CCBE1: variants seen among roughly 807,000 people sequenced by gnomAD.
CCBE1 encodes collagen and calcium-binding EGF domain-containing protein 1.
In CCBE1, 37 loss-of-function variants were observed where a neutral mutation model predicts 50.0. The ratio of observed to expected loss-of-function variants is 0.74; its 90% CI spans 0.57 to 0.97. The LOEUF is 0.97. Ranked by LOEUF, CCBE1 falls within the 50% of genes least tolerant of loss-of-function variation. CCBE1 has a pLI of 0.00. For synonymous variants in CCBE1, 234 were observed against 203.7 expected (o/e 1.15, Z -1.27); for missense variants, 538 against 523.8 (o/e 1.03, Z -0.26).
intron 4 of CCBE1, among the ~76,000 whole-genome samples, chr18:59,468,986 C>T (rs958311583): frequency 2.0e-5 from 3 of 152,154 alleles, no homozygotes; most frequent in Non-Finnish European, 2.9e-5. Flanking sequence ...ATAGCCAGTT[C>T]ATGAGGGTGG....
At chr18:59,670,555 A>C (rs1253692093) in intron 2 of CCBE1, among the ~76,000 whole-genome samples, 3 of 152,202 alleles carry the variant, frequency 2.0e-5, no homozygotes, top group African/African-American at 7.2e-5. Flanking sequence ...AACTCCTGCC[A>C]TGTAACCACC....
chr18:59,441,514 C>T (rs996687433), intron 7 of CCBE1, among the ~76,000 whole-genome samples: 1 of 149,492 alleles, frequency 6.7e-6, no homozygotes, highest in Non-Finnish European at 1.5e-5. Flanking sequence ...AACAAAAAAA[C>T]ACATTGTCAA....
intron 2 of CCBE1, among the ~76,000 whole-genome samples, chr18:59,649,386 C>G (rs982014236): frequency 6.6e-6 from 1 of 152,202 alleles, no homozygotes; most frequent in African/African-American, 2.4e-5. Flanking sequence ...GACTGACATG[C>G]AAGACAAAAA....
chr18:59,438,871 C>T (rs995421462), intron 9 of CCBE1, among the ~76,000 whole-genome samples: 14 of 151,954 alleles, frequency 9.2e-5, no homozygotes, highest in Admixed American at 2.0e-4. Flanking sequence ...ACCTTCAGGC[C>T]GGGAGCGGTG....
intron 2 of CCBE1, among the ~76,000 whole-genome samples, chr18:59,548,885 C>A (rs2144407748): frequency 6.6e-6 from 1 of 152,040 alleles, no homozygotes; most frequent in East Asian, 1.9e-4. Flanking sequence ...AAAGTTACAC[C>A]TGAGGCCAGG....
intron 2 of CCBE1, among the ~76,000 whole-genome samples, chr18:59,518,345 C>T (rs1032998536): frequency 5.9e-5 from 9 of 152,066 alleles, no homozygotes; most frequent in African/African-American, 1.7e-4. Flanking sequence ...AAAAATTAGC[C>T]GGGTGTGACG....
At chr18:59,572,075 G>A (rs2052923000) in intron 2 of CCBE1, among the ~76,000 whole-genome samples, 1 of 152,202 alleles carries the variant, frequency 6.6e-6, no homozygotes, top group African/African-American at 2.4e-5. Context: ...CATGGTATCT[G>A]GAGAAGAAAA....
intron 2 of CCBE1, among the ~76,000 whole-genome samples, chr18:59,690,749 G>C (rs2054718940): frequency 6.6e-6 from 1 of 152,236 alleles, no homozygotes; most frequent in African/African-American, 2.4e-5. Flanking sequence ...CTGAGAGTGA[G>C]TGAGAAGTGA....
At chr18:59,447,136 G>A (rs1910710591) in intron 7 of CCBE1, among the ~76,000 whole-genome samples, 1 of 152,126 alleles carries the variant, frequency 6.6e-6, no homozygotes, top group Admixed American at 6.5e-5. Context: ...TTCAGAAACA[G>A]TATACTGAAT....
intron 2 of CCBE1, among the ~76,000 whole-genome samples, chr18:59,532,973 C>A (rs1371237800): frequency 1.3e-5 from 2 of 152,140 alleles, no homozygotes; most frequent in Non-Finnish European, 2.9e-5. Context: ...GAACCTCTCA[C>A]GGAGTATGGA....
chr18:59,513,446 G>A (rs1024061075), intron 2 of CCBE1, among the ~76,000 whole-genome samples: 10 of 152,246 alleles, frequency 6.6e-5, no homozygotes, highest in African/African-American at 1.9e-4. Context: ...GTCCAGGAAA[G>A]GACGCTTTTC....
chr18:59,689,902 T>C (rs956847108), intron 2 of CCBE1, among the ~76,000 whole-genome samples: 1 of 152,210 alleles, frequency 6.6e-6, no homozygotes, highest in Non-Finnish European at 1.5e-5. Flanking sequence ...CCCTGGGTTT[T>C]CCTGACTCTG....
rs758966242 is a variant in CCBE1, at chr18:59,447,989, G to C, written c.769C>G (p.Pro257Ala). The C allele has an allele frequency of 6.2e-7, 1 of 1,614,054 alleles. No homozygotes were observed. The highest frequency in any genetic ancestry group is 1.3e-5 in the African/African-American group (1 of 74,938). Residue 257 changes from proline to alanine, a missense_variant, in exon 7 of 11, where the codon CCT becomes GCT. Pro to Ala is a conservative substitution (Grantham distance 27). Transcript: ENST00000439986. ...TGCCCTCTTCCACACTCACCGGGAG[G>C]GCCCTGGCCCCCAGGCAGGCCAGGA... ...GPPGLPGGQG[P>A]PGSPGPKGSP...
At chr18:59,666,590 C>T (rs912095888) in intron 2 of CCBE1, among the ~76,000 whole-genome samples, 3 of 143,746 alleles carry the variant, frequency 2.1e-5, no homozygotes, top group African/African-American at 7.7e-5. Context: ...AAAGTTTCAG[C>T]AAAGCTACAA....
At chr18:59,536,113 A>G (rs1056114471) in intron 2 of CCBE1, among the ~76,000 whole-genome samples, 4 of 152,264 alleles carry the variant, frequency 2.6e-5, no homozygotes, top group African/African-American at 9.6e-5. Flanking sequence ...AAGGTCTGAA[A>G]TAATTCATTA....
At chr18:59,615,023 C>G (rs963823242) in intron 2 of CCBE1, among the ~76,000 whole-genome samples, 1 of 152,194 alleles carries the variant, frequency 6.6e-6, no homozygotes, top group African/African-American at 2.4e-5. Context: ...TTAATACATC[C>G]AATGACAAAT....
intron 2 of CCBE1, among the ~76,000 whole-genome samples, chr18:59,594,879 CG>C (rs780114393): frequency 7.9e-5 from 12 of 151,844 alleles, no homozygotes; most frequent in Non-Finnish European, 1.8e-4. Context: ...TTTGGGAGGC[CG>C]AGGAGGGTGG....
intron 2 of CCBE1, among the ~76,000 whole-genome samples, chr18:59,554,513 G>A (rs2564495): frequency 0.74 from 112,392 of 152,144 alleles, 41,749 homozygotes; most frequent in East Asian, 0.88. Flanking sequence ...GGTCCTCTGA[G>A]TAACCAAAAT....
intron 2 of CCBE1, among the ~76,000 whole-genome samples, chr18:59,578,423 T>C (rs1019560598): frequency 7.2e-5 from 11 of 152,116 alleles, no homozygotes; most frequent in Non-Finnish European, 1.2e-4. Flanking sequence ...GAAATACCAT[T>C]TGACCCAGCA....
Sources: allele counts gnomAD v4.1 joint callset (sites outside exome capture counted in the v4.1 genomes callset), GRCh38; gene constraint gnomAD v4.1.1; transcripts MANE v1.5; gene names NCBI Gene and HGNC (gene_info 2026-07-23, HGNC 2026-07-21).